Variants in HERC1 observed in about 807,000 individuals in gnomAD.
The protein encoded by HERC1 is probable E3 ubiquitin-protein ligase HERC1.
A neutral mutation model predicts 554.3 loss-of-function variants in HERC1; 160 were observed. The ratio of observed to expected loss-of-function variants is 0.29; its 90% CI spans 0.25 to 0.33. The LOEUF (loss-of-function observed/expected upper bound fraction) is 0.33. HERC1 is among the 10% of genes least tolerant of loss of function. The probability of loss-of-function intolerance (pLI) is 1.00; values close to 1 mark genes in which losing one functional copy is unlikely to be tolerated. For synonymous variants in HERC1, 2,175 were observed against 2,131.7 expected (o/e 1.02, Z -0.56); for missense variants, 4,919 against 5,918.5 (o/e 0.83, Z 5.54).
chr15:63,815,962 C>T (rs558862553), intron 1 of HERC1, among the ~76,000 whole-genome samples: 2 of 152,254 alleles, frequency 1.3e-5, no homozygotes, highest in Admixed American at 6.5e-5. Context: ...TGAGAACTCA[C>T]TATCAGGAAA....
chr15:63,661,404 T>C (rs2070351996), intron 45 of HERC1, among the ~76,000 whole-genome samples: 1 of 152,194 alleles, frequency 6.6e-6, no homozygotes, highest in Non-Finnish European at 1.5e-5. Context: ...AGTCTGTTTT[T>C]TTCATCAGGA....
intron 1 of HERC1, among the ~76,000 whole-genome samples, chr15:63,819,001 T>C (rs975105423): frequency 6.6e-6 from 1 of 152,214 alleles, no homozygotes; most frequent in African/African-American, 2.4e-5. Flanking sequence ...TAACAAACAT[T>C]ATTTAAGAAC....
intron 1 of HERC1, among the ~76,000 whole-genome samples, chr15:63,792,061 T>G (rs928535618): frequency 2.6e-5 from 4 of 152,304 alleles, no homozygotes; most frequent in African/African-American, 9.6e-5. Context: ...ACATAGTAGG[T>G]TCACTGATTG....
Position 63,640,462 on chromosome 15 carries a change from G to A in HERC1, c.11608-17C>T, listed in dbSNP as rs1252037347. On this transcript the variant is annotated splice_polypyrimidine_tract_variant and intron_variant, in intron 60 of 77. Transcript: ENST00000443617. ...CACATGAGGCTAAAACAAAATACAA[G>A]GATATAATATGTCAAAGAGTTTGTG... is the stretch of plus-strand genomic sequence containing the variant. The A allele has an allele frequency of 1.3e-6, 2 of 1,594,756 alleles. No homozygotes were observed. Among genetic ancestry groups the A allele is most frequent in the Non-Finnish European group, 1.7e-6 (2 of 1,164,758 alleles).
intron 48 of HERC1, 103 bp downstream of exon 48, chr15:63,658,441 C>G (rs1478154656): frequency 1.0e-6 from 1 of 963,512 alleles, no homozygotes; most frequent in Non-Finnish European, 1.5e-6. Context: ...AGTACATATT[C>G]AAGCTTCTAA....
At chr15:63,770,881 G>A (rs2142865406) in intron 2 of HERC1, among the ~76,000 whole-genome samples, 1 of 152,250 alleles carries the variant, frequency 6.6e-6, no homozygotes, top group South Asian at 2.1e-4. Flanking sequence ...TCAGACAACA[G>A]TAAAGTGTAA....
At chr15:63,826,806 AAAAAAAAAATATATATATAT>A (rs1297913332) in intron 1 of HERC1, among the ~76,000 whole-genome samples, 3 of 57,990 alleles carry the variant, frequency 5.2e-5, no homozygotes, top group Non-Finnish European at 1.1e-4. Flanking sequence ...AAAAAAAAAA[AAAAAAAAAATATATATATAT>A]ATATATATAT....
At chr15:63,646,111 A>G in intron 55 of HERC1, among the ~76,000 whole-genome samples, 1 of 152,254 alleles carries the variant, frequency 6.6e-6, no homozygotes, top group East Asian at 1.9e-4. Context: ...TTTTGTGTTT[A>G]TATGGCTGTG....
chr15:63,659,692 T>C (rs777930718), intron 47 of HERC1, 44 bp downstream of exon 47: 6 of 1,372,036 alleles, frequency 4.4e-6, no homozygotes, highest in Admixed American at 1.7e-5. Context: ...AAACAAATTA[T>C]AGTAGATGCT....
At chr15:63,616,805 A>G in intron 74 of HERC1, 123 bp from the exon 75 acceptor site, 1 of 839,814 alleles carries the variant, frequency 1.2e-6, no homozygotes, top group Non-Finnish European at 1.8e-6. Flanking sequence ...CATTAGCCAC[A>G]TAAGGCTAAA....
At chr15:63,623,618 A>AT in intron 73 of HERC1, 107 bp downstream of exon 73, 1 of 1,086,132 alleles carries the variant, frequency 9.2e-7, no homozygotes, top group Non-Finnish European at 1.4e-6. Flanking sequence ...TCACAAATGC[A>AT]TCCTTGCTAC....
chr15:63,631,744 T>C (rs957578638), intron 68 of HERC1, among the ~76,000 whole-genome samples: 1 of 152,192 alleles, frequency 6.6e-6, no homozygotes, highest in African/African-American at 2.4e-5. Flanking sequence ...TTTCGCCATG[T>C]TGGCCAGGCT....
In HERC1 at chr15:63,734,498, T is replaced by C; in HGVS notation, c.2646+226A>G. 3.0e-6 allele frequency: 1 copy of C among 331,682 alleles called. No individual in the cohort carries two copies. The highest frequency in any genetic ancestry group is 6.4e-5 in the East Asian group (1 of 15,684). The allele number at this position is 331,682 out of a possible 1,614,324, so 20.5% of individuals were successfully genotyped here. ...TCTGGCTTAGTACCATAAGAAACAC[T>C]GGAAAAATTAGTCCTTATTTTAATA... On this transcript the variant is annotated intron_variant, in intron 13 of 77. Transcript: ENST00000443617. The surrounding 1 kb of genome is among the most constrained non-coding windows in gnomAD (Gnocchi z 4.6).
chr15:63,641,234 A>C (rs1595876937), intron 60 of HERC1, among the ~76,000 whole-genome samples: 2 of 152,256 alleles, frequency 1.3e-5, no homozygotes, highest in South Asian at 4.1e-4. Context: ...TCTGAAAAGC[A>C]GTAATACAAA....
At chr15:63,792,812 C>A (rs1176810667) in intron 1 of HERC1, among the ~76,000 whole-genome samples, 1 of 152,166 alleles carries the variant, frequency 6.6e-6, no homozygotes, top group Non-Finnish European at 1.5e-5. Flanking sequence ...AGCAACAGAT[C>A]TCACAGGTTG....
At chr15:63,765,511 A>G (rs930619779) in intron 2 of HERC1, among the ~76,000 whole-genome samples, 1 of 152,110 alleles carries the variant, frequency 6.6e-6, no homozygotes, top group African/African-American at 2.4e-5. Flanking sequence ...CTTAAGTCTA[A>G]AAAGAAACAT....
At chr15:63,706,890 A>G in intron 24 of HERC1, 59 bp from the exon 25 acceptor site, 1 of 1,063,402 alleles carries the variant, frequency 9.4e-7, no homozygotes. Flanking sequence ...TTTAAGATTA[A>G]GATTTAATAG....
At position 63,677,794 on chromosome 15, in the gene HERC1, A is replaced by T; in HGVS notation, c.7070+51T>A. 5 of 1,565,052 alleles carry T rather than the reference A, an allele frequency of 3.2e-6. No homozygotes were observed. The highest frequency in any genetic ancestry group is 4.3e-6 in the Non-Finnish European group (5 of 1,153,684). ...ACTCACTGTCGACAGGCAATGGCCTATTTCACCATTAAATATTTGTTTGCT... is the reference window on the plus strand; with the variant it reads ...ACTCACTGTCGACAGGCAATGGCCTTTTTCACCATTAAATATTTGTTTGCT... On this transcript the variant is annotated intron_variant, in intron 37 of 77. Transcript: ENST00000443617. This position sits in a 1 kb window ranked among gnomAD's most constrained non-coding sequence, Gnocchi z 4.4.
rs2073555523 is a variant in HERC1 at position 63,716,344 on chromosome 15, C to T, written c.4108G>A (p.Asp1370Asn). Residue 1370 changes from aspartate to asparagine, a missense_variant, in exon 22 of 78, where the codon GAT (aspartate) becomes AAT (asparagine). Asp to Asn is a conservative substitution (Grantham distance 23). Around this residue, in one of 11 missense-constraint regions of HERC1, gnomAD observed 1,121 missense variants for 1,244.0 expected, o/e 0.90. Transcript: ENST00000443617. ...DREEGHPEPE[D>N]EEEEREHEVM... ...TCATGTTCCCGTTCCTCCTCTTCAT[C>T]CTCTGGCTCCGGATGCCCCTCTTCC... 1 of 1,613,824 alleles carries T rather than the reference C, an allele frequency of 6.2e-7. No individual in the cohort carries two copies. The highest frequency in any genetic ancestry group is 8.5e-7 in the Non-Finnish European group (1 of 1,179,814).
Sources: gnomAD v4.1 joint callset for allele counts (sites outside exome capture counted in the v4.1 genomes callset) on GRCh38, gnomAD v4.1.1 for gene constraint, gnomAD v4.1.1 regional missense constraint, Gnocchi (gnomAD v3.1) non-coding constraint, MANE v1.5 for transcripts, NCBI Gene and HGNC (gene_info 2026-07-23, HGNC 2026-07-21) for gene names.